CTNNA2: variants seen among roughly 807,000 people sequenced by gnomAD.
CTNNA2 encodes the protein catenin alpha 2, also known as catenin alpha-2.
In CTNNA2, 42 loss-of-function variants were observed where a neutral mutation model predicts 101.0. That is an observed-to-expected ratio of 0.42 (90% CI 0.32 to 0.54). The LOEUF is 0.54. Ranked by LOEUF, CTNNA2 falls within the 20% of genes least tolerant of loss-of-function variation. CTNNA2 has a pLI of 0.14. For missense variants in CTNNA2, 871 were observed against 1,223.1 expected, an observed-to-expected ratio of 0.71 and a Z score of 4.29; for synonymous variants, 450 against 456.4, an observed-to-expected ratio of 0.99 and a Z score of 0.18.
chr2:79,909,582 TGA>T lies in CTNNA2; in HGVS notation c.853-11_853-10del. On this transcript the variant is annotated splice_polypyrimidine_tract_variant and intron_variant, in intron 6 of 18. Coordinates refer to ENST00000402739, the MANE Select transcript of CTNNA2 (RefSeq NM_001282597.3). ...CTGCTGATTTTTGTGTGTGTGTGTG[TGA>T]TACTTTCAGAATAAGATTATCCTGG... is the stretch of plus-strand genomic sequence containing the variant. 1 of 1,591,592 alleles carries T rather than the reference TGA, an allele frequency of 6.3e-7. No homozygotes were observed. The highest frequency in any genetic ancestry group is 8.6e-7 in the Non-Finnish European group (1 of 1,162,902).
chr2:79,980,274 G>A (rs1339658598), intron 7 of CTNNA2, among the ~76,000 whole-genome samples: 2 of 152,044 alleles, frequency 1.3e-5, no homozygotes, highest in Non-Finnish European at 2.9e-5. Flanking sequence ...GTTTAAAAAT[G>A]CAAGTTTTTA....
At chr2:80,060,000 A>T (rs1697470598) in intron 7 of CTNNA2, among the ~76,000 whole-genome samples, 1 of 152,170 alleles carries the variant, frequency 6.6e-6, no homozygotes, top group African/African-American at 2.4e-5. Flanking sequence ...AAAAGATTAA[A>T]CTATTTAGGT....
chr2:80,225,265 GA>G (rs1434578282), intron 7 of CTNNA2, among the ~76,000 whole-genome samples: 15 of 152,146 alleles, frequency 9.9e-5, no homozygotes, highest in African/African-American at 3.4e-4. Context: ...TGGAAAAGCA[GA>G]GCCCGATTGC....
At chr2:80,082,184 A>G (rs879446189) in intron 7 of CTNNA2, among the ~76,000 whole-genome samples, 27 of 152,310 alleles carry the variant, frequency 1.8e-4, no homozygotes, top group African/African-American at 3.4e-4. Flanking sequence ...TTCTAGTTCA[A>G]TAACTTTAGA....
chr2:80,159,646 G>T (rs1704191373), intron 7 of CTNNA2, among the ~76,000 whole-genome samples: 2 of 151,920 alleles, frequency 1.3e-5, no homozygotes, highest in Non-Finnish European at 1.5e-5. Context: ...GCTAATTTTT[G>T]TATTTTTAGT....
intron 9 of CTNNA2, among the ~76,000 whole-genome samples, chr2:80,463,194 T>C (rs1360111887): frequency 6.6e-6 from 1 of 152,186 alleles, no homozygotes; most frequent in Non-Finnish European, 1.5e-5. Context: ...TCTCACATGG[T>C]TCTTTAACTG....
chr2:80,508,504 A>G (rs998401344), intron 9 of CTNNA2, among the ~76,000 whole-genome samples: 2 of 151,998 alleles, frequency 1.3e-5, no homozygotes, highest in African/African-American at 4.8e-5. Flanking sequence ...AAACAAGTGT[A>G]TCTTAAAGTT....
At chr2:80,002,391 G>C (rs758472060) in intron 7 of CTNNA2, among the ~76,000 whole-genome samples, 6 of 152,174 alleles carry the variant, frequency 3.9e-5, no homozygotes, top group Non-Finnish European at 7.3e-5. Flanking sequence ...TCAGGTCTGA[G>C]AGAAGTACAT....
intron 7 of CTNNA2, among the ~76,000 whole-genome samples, chr2:80,354,053 C>T (rs981058722): frequency 6.6e-6 from 1 of 152,040 alleles, no homozygotes; most frequent in Non-Finnish European, 1.5e-5. Flanking sequence ...CAGAGTTTGC[C>T]CCTGAGAATT....
chr2:79,934,070 A>G (rs1376606761), intron 7 of CTNNA2, among the ~76,000 whole-genome samples: 1 of 152,214 alleles, frequency 6.6e-6, no homozygotes, highest in Non-Finnish European at 1.5e-5. Flanking sequence ...TATTTTATTT[A>G]TGTATAAAAT....
At chr2:79,905,979 G>C (rs1049789765) in intron 6 of CTNNA2, among the ~76,000 whole-genome samples, 1 of 152,002 alleles carries the variant, frequency 6.6e-6, no homozygotes, top group Non-Finnish European at 1.5e-5. Context: ...TTGAGCCTCT[G>C]GTTTCATTTC....
At chr2:80,576,341 G>C (rs1695040952) in intron 13 of CTNNA2, 1 of 146,416 alleles carries the variant, frequency 6.8e-6, no homozygotes, top group Non-Finnish European at 1.5e-5. Context: ...TCCCTTTTCT[G>C]TTGGAGCAAT....
In CTNNA2 at chr2:79,484,058, C is replaced by T. The variant is rs1013595315; in HGVS notation, c.-134-20996C>T. Among the ~76,000 whole-genome samples the T allele has an allele frequency of 5.9e-5, 9 of 151,974 alleles. No homozygotes were observed. In the South Asian group the frequency reaches 6.2e-4, roughly 11 times the overall value. On this transcript the variant is annotated intron_variant, in intron 4 of 21. Coordinates refer to the CTNNA2 transcript ENST00000466387. The stretch of plus-strand genomic sequence containing the variant: ...AGGAATTCAAGATCAGCCTGGGCCA[C>T]GAGGCAAAACCCTATCTCTATAAAA...
Position 80,278,931 on chromosome 2 carries a change from C to G in CTNNA2, c.1057-114280C>G, listed in dbSNP as rs190259927. Among the ~76,000 whole-genome samples the G allele has an allele frequency of 9.9e-5, 15 of 152,120 alleles. 1 individual carries two copies. Among genetic ancestry groups the G allele is most frequent in the Admixed American group, 9.2e-4 (14 of 15,268 alleles). ...TGCAGTGAGCCATTGTACCACTGCA[C>G]TCTAGCCTGGGTGACAAAGTGAGAC... On this transcript the variant is annotated intron_variant, in intron 7 of 18. Coordinates refer to ENST00000402739, the MANE Select transcript of CTNNA2 (RefSeq NM_001282597.3).
chr2:80,560,342 G>A (rs1022510444), intron 12 of CTNNA2, among the ~76,000 whole-genome samples: 1 of 152,160 alleles, frequency 6.6e-6, no homozygotes, highest in Non-Finnish European at 1.5e-5. Flanking sequence ...CCAGGACAAT[G>A]CAGTAGAATG....
chr2:79,872,144 TTTTAA>T (rs1338435838), intron 5 of CTNNA2, among the ~76,000 whole-genome samples: 1 of 152,220 alleles, frequency 6.6e-6, no homozygotes, highest in Non-Finnish European at 1.5e-5. Flanking sequence ...GTGTTCTGCT[TTTTAA>T]TTTATCTTAT....
rs59852077 is a variant in CTNNA2, at chr2:79,712,234, T to A, written c.103-32153T>A. The stretch of plus-strand genomic sequence containing the variant: ...TTGAAAAACTTTCCAAATATCACAC[T>A]GTTTGGAGAGTCAAAAGATTTATGT... On this transcript the variant is annotated intron_variant, in intron 2 of 18. Transcript: ENST00000402739. 5.5e-3 allele frequency among the ~76,000 whole-genome samples: 845 copies of A among 152,286 alleles called. 4 individuals carry two copies. The highest frequency in any genetic ancestry group is 0.019 in the African/African-American group (788 of 41,550).
intron 2 of CTNNA2, among the ~76,000 whole-genome samples, chr2:79,678,200 A>G (rs1014770102): frequency 1.1e-4 from 17 of 152,170 alleles, no homozygotes; most frequent in Non-Finnish European, 2.4e-4. Context: ...ATCGACTCCT[A>G]ATTTTAATGC....
intron 2 of CTNNA2, among the ~76,000 whole-genome samples, chr2:79,739,579 G>C (rs1051549272): frequency 3.9e-5 from 6 of 152,198 alleles, no homozygotes; most frequent in Non-Finnish European, 1.5e-5. Flanking sequence ...GATTTAGGGG[G>C]TACAAGTGCA....
Sources: allele counts gnomAD v4.1 joint callset (sites outside exome capture counted in the v4.1 genomes callset), GRCh38; gene constraint gnomAD v4.1.1; transcripts MANE v1.5; gene names NCBI Gene and HGNC (gene_info 2026-07-23, HGNC 2026-07-21).